Variants in LONP2 observed in about 807,000 individuals in gnomAD.
LONP2 encodes lon peptidase 2, peroxisomal.
A neutral mutation model predicts 85.6 loss-of-function variants in LONP2; 60 were observed. That is an observed-to-expected ratio of 0.70 (90% CI 0.57 to 0.87). LONP2 has a LOEUF of 0.87. LONP2 is among the 40% of genes least tolerant of loss of function. The pLI is 0.00. For synonymous variants in LONP2, 395 were observed against 389.7 expected (o/e 1.01, Z -0.16); for missense variants, 860 against 1,063.5 (o/e 0.81, Z 2.66).
intron 7 of LONP2, among the ~76,000 whole-genome samples, chr16:48,275,221 G>A (rs984504102): frequency 1.3e-5 from 2 of 152,122 alleles, no homozygotes; most frequent in Admixed American, 6.6e-5. Context: ...TAACCCACCA[G>A]GTTGACACTA....
rs1354314169 is a variant in LONP2, at chr16:48,357,078, A to G, written c.*5276A>G. On this transcript the variant is annotated 3_prime_UTR_variant, in exon 15 of 15. Coordinates refer to ENST00000285737, the MANE Select transcript of LONP2 (RefSeq NM_031490.5). Reference sequence around the variant, plus strand: ...GATAGCGAAAATATTTGGTTCAGCAAGACACTGGGGTATCAAGTCAGGCAT... The same window carrying G: ...GATAGCGAAAATATTTGGTTCAGCAGGACACTGGGGTATCAAGTCAGGCAT... The G allele has an allele frequency of 6.6e-6, 1 of 152,626 alleles. No homozygotes were observed. The highest frequency in any genetic ancestry group is 1.9e-4 in the East Asian group (1 of 5,220). The allele number at this position is 152,626 out of a possible 1,614,324, so 9.5% of individuals were successfully genotyped here. A position where few individuals can be genotyped will look rare whatever the true frequency, so the allele number is the denominator to read the frequency against.
intron 7 of LONP2, among the ~76,000 whole-genome samples, chr16:48,276,957 G>T (rs74016384): frequency 0.014 from 2,074 of 152,238 alleles, 45 homozygotes; most frequent in African/African-American, 0.047. Context: ...AGGTGGTTGC[G>T]TTGGGTAGGG....
At chr16:48,298,626 G>GGGGTGTGTGTGTGTGTGTGT (rs565121093) in intron 9 of LONP2, among the ~76,000 whole-genome samples, 5 of 134,320 alleles carry the variant, frequency 3.7e-5, no homozygotes, top group African/African-American at 1.1e-4. Flanking sequence ...ATTTAATTGA[G>GGGGTGTGTGTGTGTGTGTGT]GTGTGTGTGT....
chr16:48,352,000 G>T lies in LONP2; in HGVS notation c.*198G>T, dbSNP rs1366168560. 5.1e-6 allele frequency: 3 copies of T among 588,962 alleles called. No individual in the cohort carries two copies. 36.5% of individuals were successfully genotyped at this position (588,962 alleles called of 1,614,324 possible). A position where few individuals can be genotyped will look rare whatever the true frequency, so the allele number is the denominator to read the frequency against. ...TTGATTTAGTAAACTGATAAAAATCGAATTCTTGTCTTTTTAGTGGGATCC... is the reference window on the plus strand; with the variant it reads ...TTGATTTAGTAAACTGATAAAAATCTAATTCTTGTCTTTTTAGTGGGATCC... On this transcript the variant is annotated 3_prime_UTR_variant, in exon 15 of 15. Coordinates refer to ENST00000285737, the MANE Select transcript of LONP2 (RefSeq NM_031490.5).
chr16:48,302,029 C>G (rs1972816884), intron 10 of LONP2, among the ~76,000 whole-genome samples: 1 of 152,222 alleles, frequency 6.6e-6, no homozygotes, highest in Non-Finnish European at 1.5e-5. Context: ...CTAAACAGTT[C>G]ATGGTATAGG....
At chr16:48,268,429 G>A (rs1340641283) in intron 6 of LONP2, among the ~76,000 whole-genome samples, 1 of 152,142 alleles carries the variant, frequency 6.6e-6, no homozygotes, top group African/African-American at 2.4e-5. Context: ...ATGATATTTT[G>A]ATGGAAACTT....
intron 8 of LONP2, among the ~76,000 whole-genome samples, chr16:48,283,277 A>C (rs188413560): frequency 8.3e-4 from 127 of 152,370 alleles, no homozygotes; most frequent in Admixed American, 4.1e-3. Context: ...ACATCTAGCT[A>C]ACATCATTGA....
intron 11 of LONP2, among the ~76,000 whole-genome samples, chr16:48,331,321 C>T (rs1959438415): frequency 6.6e-6 from 1 of 152,126 alleles, no homozygotes; most frequent in Non-Finnish European, 1.5e-5. Flanking sequence ...GGAAAAAGAG[C>T]AGCAAGCAGA....
chr16:48,268,450 A>G (rs56252717), intron 6 of LONP2, among the ~76,000 whole-genome samples: 2,087 of 152,254 alleles, frequency 0.014, 48 homozygotes, highest in African/African-American at 0.048. Flanking sequence ...ACTCTTCTTG[A>G]ACATGATGAC....
chr16:48,290,500 C>T (rs1347816367), intron 8 of LONP2, among the ~76,000 whole-genome samples: 1 of 152,206 alleles, frequency 6.6e-6, no homozygotes, highest in African/African-American at 2.4e-5. Context: ...ACTTCCAGAA[C>T]GTGTGACCAA....
rs1960286423 is a variant in LONP2 at position 48,354,972 on chromosome 16, G to C, written c.*3170G>C. The C allele has an allele frequency of 6.6e-6, 1 of 152,166 alleles. No homozygotes were observed. Among genetic ancestry groups the C allele is most frequent in the Non-Finnish European group, 1.5e-5 (1 of 68,034 alleles). 9.4% of individuals were successfully genotyped at this position (152,166 alleles called of 1,614,324 possible). Reference sequence around the variant, plus strand: ...AAACTAATACTTTCCCTGGGAAAAAGCCATGTGGTAGCAAGTACCAGAAAT... The same window carrying C: ...AAACTAATACTTTCCCTGGGAAAAACCCATGTGGTAGCAAGTACCAGAAAT... On this transcript the variant is annotated 3_prime_UTR_variant, in exon 15 of 15. Transcript: ENST00000285737.
chr16:48,284,482 C>T (rs74016397), intron 8 of LONP2, among the ~76,000 whole-genome samples: 1,859 of 152,228 alleles, frequency 0.012, 39 homozygotes, highest in African/African-American at 0.042. Flanking sequence ...CAGCAGCCAC[C>T]ACCTGATCAG....
At chr16:48,326,055 A>G (rs999354876) in intron 11 of LONP2, among the ~76,000 whole-genome samples, 2 of 152,218 alleles carry the variant, frequency 1.3e-5, no homozygotes, top group African/African-American at 4.8e-5. Flanking sequence ...TTCCTTAGAT[A>G]TAAATGGAGG....
intron 11 of LONP2, among the ~76,000 whole-genome samples, chr16:48,313,091 GTTC>G (rs1402387296): frequency 1.3e-5 from 2 of 152,108 alleles, no homozygotes; most frequent in Non-Finnish European, 1.5e-5. Flanking sequence ...TTCCAGCTTT[GTTC>G]TTCTTCAGAA....
At chr16:48,271,115 A>C (rs1270289698) in intron 7 of LONP2, among the ~76,000 whole-genome samples, 1 of 152,198 alleles carries the variant, frequency 6.6e-6, no homozygotes. Context: ...GGGAAGGTCC[A>C]GGCTGCAGTA....
chr16:48,357,706 A>C (rs1314253157), downstream of LONP2, among the ~76,000 whole-genome samples: 1 of 152,218 alleles, frequency 6.6e-6, no homozygotes, highest in Non-Finnish European at 1.5e-5. Context: ...TAGTAGAATC[A>C]CTGCAGATGT....
intron 12 of LONP2, among the ~76,000 whole-genome samples, chr16:48,341,775 G>T (rs1029901032): frequency 6.6e-6 from 1 of 152,130 alleles, no homozygotes; most frequent in African/African-American, 2.4e-5. Context: ...AAAAATAAAG[G>T]TTACTACAAA....
chr16:48,329,662 C>T (rs1346248988), intron 11 of LONP2, among the ~76,000 whole-genome samples: 2 of 152,176 alleles, frequency 1.3e-5, no homozygotes, highest in African/African-American at 2.4e-5. Flanking sequence ...GGAAATGTAT[C>T]GCCTGTGGAG....
chr16:48,269,376 A>G (rs952999248), intron 6 of LONP2, among the ~76,000 whole-genome samples: 5 of 152,200 alleles, frequency 3.3e-5, no homozygotes, highest in African/African-American at 1.2e-4. Context: ...TTAAATGAAT[A>G]TAGATAATTT....
Sources: gnomAD v4.1 joint callset for allele counts (sites outside exome capture counted in the v4.1 genomes callset) on GRCh38, gnomAD v4.1.1 for gene constraint, MANE v1.5 for transcripts, NCBI Gene and HGNC (gene_info 2026-07-23, HGNC 2026-07-21) for gene names.